The following CTNNA3 variants were observed in gnomAD, a reference collection of about 807,000 sequenced individuals.
The protein encoded by CTNNA3 is catenin alpha 3.
Under a neutral mutation model 95.7 loss-of-function variants are expected in CTNNA3, and 76 were observed. That is an observed-to-expected ratio of 0.79 (90% CI 0.66 to 0.96). CTNNA3 has a LOEUF of 0.96. Among genes scored for constraint, CTNNA3 ranks in the 40% least tolerant of loss-of-function variants. CTNNA3 has a pLI of 0.00. For synonymous variants in CTNNA3, 431 were observed against 374.4 expected (o/e 1.15, Z -1.74); for missense variants, 1,191 against 1,089.8 (o/e 1.09, Z -1.31).
At chr10:67,580,813 T>C (rs1419314149) in intron 3 of CTNNA3, among the ~76,000 whole-genome samples, 52 of 152,236 alleles carry the variant, frequency 3.4e-4, no homozygotes, top group African/African-American at 1.2e-3. Flanking sequence ...TTATTCTCTT[T>C]GAAGCAATTG....
intron 9 of CTNNA3, among the ~76,000 whole-genome samples, chr10:66,669,504 T>G (rs1363641498): frequency 6.6e-6 from 1 of 151,010 alleles, no homozygotes; most frequent in East Asian, 1.9e-4. Flanking sequence ...ATCACACCAC[T>G]GTACTCCAGC....
intron 17 of CTNNA3, among the ~76,000 whole-genome samples, chr10:65,942,421 C>T (rs1475697841): frequency 6.6e-6 from 1 of 152,010 alleles, no homozygotes; most frequent in Admixed American, 6.6e-5. Context: ...CCCAACTACT[C>T]GGGAGGCTGA....
intron 7 of CTNNA3, among the ~76,000 whole-genome samples, chr10:67,010,038 A>G (rs1852224411): frequency 6.6e-6 from 1 of 152,102 alleles, no homozygotes; most frequent in Non-Finnish European, 1.5e-5. Flanking sequence ...CCATTACTAT[A>G]TATCTCTTCC....
At chr10:67,051,384 C>T (rs144640197) in intron 7 of CTNNA3, among the ~76,000 whole-genome samples, 236 of 152,294 alleles carry the variant, frequency 1.5e-3, no homozygotes, top group Non-Finnish European at 2.1e-3. Flanking sequence ...GATCTATTTT[C>T]CCTTGGACAT....
intron 5 of CTNNA3, among the ~76,000 whole-genome samples, chr10:67,455,532 G>C (rs890721736): frequency 6.6e-6 from 1 of 152,044 alleles, no homozygotes; most frequent in African/African-American, 2.4e-5. Context: ...GGAAAAACCT[G>C]GCAAACACTA....
intron 13 of CTNNA3, among the ~76,000 whole-genome samples, chr10:66,175,068 T>C (rs1252825728): frequency 2.6e-5 from 4 of 152,058 alleles, no homozygotes; most frequent in South Asian, 4.1e-4. Context: ...GAGCTAATCA[T>C]ATACCAATTT....
rs1487254924 is a variant in CTNNA3, at chr10:66,520,779, A to C, written c.1375-6T>G. ...GCAAGTGCAGCATTAATAATCTATAAAGATAAGGATTGAAAAAATTACCTA... is the reference window on the plus strand; with the variant it reads ...GCAAGTGCAGCATTAATAATCTATACAGATAAGGATTGAAAAAATTACCTA... On this transcript the variant is annotated splice_polypyrimidine_tract_variant and splice_region_variant and intron_variant, in intron 10 of 17. Transcript: ENST00000433211. 6.2e-7 allele frequency: 1 copy of C among 1,610,916 alleles called. No individual in the cohort carries two copies. The highest frequency in any genetic ancestry group is 8.5e-7 in the Non-Finnish European group (1 of 1,178,532).
intron 7 of CTNNA3, among the ~76,000 whole-genome samples, chr10:66,825,293 T>TG (rs1003059619): frequency 6.7e-6 from 1 of 148,888 alleles, no homozygotes; most frequent in Non-Finnish European, 1.5e-5. Flanking sequence ...ATTTTTTTTT[T>TG]GAGATGGAGT....
intron 10 of CTNNA3, among the ~76,000 whole-genome samples, chr10:66,534,550 T>C (rs1841586853): frequency 6.7e-6 from 1 of 149,512 alleles, no homozygotes; most frequent in Admixed American, 6.7e-5. Flanking sequence ...TACATTTATG[T>C]TTATATATAT....
intron 1 of CTNNA3, among the ~76,000 whole-genome samples, chr10:67,739,794 T>C (rs1366206236): frequency 2.0e-5 from 3 of 152,090 alleles, no homozygotes; most frequent in Non-Finnish European, 4.4e-5. Context: ...CCTCAAAGAA[T>C]TGGAAAAAAC....
intron 1 of CTNNA3, among the ~76,000 whole-genome samples, chr10:67,726,549 A>G (rs1477692806): frequency 1.5e-5 from 1 of 68,944 alleles, no homozygotes; most frequent in Non-Finnish European, 2.4e-5. Flanking sequence ...TATATTACAT[A>G]TTATATAATA....
At chr10:67,352,789 A>G (rs755164786) in intron 5 of CTNNA3, among the ~76,000 whole-genome samples, 15 of 151,980 alleles carry the variant, frequency 9.9e-5, no homozygotes, top group Non-Finnish European at 2.1e-4. Flanking sequence ...CCCTGAAACT[A>G]CTAGCCCTAA....
At chr10:67,760,056 T>C (rs1832392315) in intron 1 of CTNNA3, among the ~76,000 whole-genome samples, 1 of 152,176 alleles carries the variant, frequency 6.6e-6, no homozygotes, top group South Asian at 2.1e-4. Flanking sequence ...TATGCAGCAA[T>C]AGAAAACGAA....
chr10:67,560,385 C>G (rs1841461153), intron 3 of CTNNA3, among the ~76,000 whole-genome samples: 1 of 152,092 alleles, frequency 6.6e-6, no homozygotes, highest in East Asian at 1.9e-4. Context: ...TCCAGCCAAA[C>G]TAAGCTTCAT....
At chr10:67,372,270 G>A (rs1843498174) in intron 5 of CTNNA3, among the ~76,000 whole-genome samples, 2 of 152,068 alleles carry the variant, frequency 1.3e-5, no homozygotes, top group South Asian at 4.1e-4. Flanking sequence ...TGTTGCCATT[G>A]CTTTTGGTGT....
At chr10:67,643,616 T>A (rs1839610722) in intron 2 of CTNNA3, among the ~76,000 whole-genome samples, 1 of 151,956 alleles carries the variant, frequency 6.6e-6, no homozygotes, top group Non-Finnish European at 1.5e-5. Flanking sequence ...ACACATGCCA[T>A]GGTGGTTTGC....
chr10:67,281,334 A>G (rs954391006), intron 5 of CTNNA3, among the ~76,000 whole-genome samples: 2 of 152,194 alleles, frequency 1.3e-5, no homozygotes, highest in African/African-American at 4.8e-5. Flanking sequence ...AATCCACTAC[A>G]TTTCATCACT....
At chr10:67,580,616 G>C (rs1355288844) in intron 3 of CTNNA3, among the ~76,000 whole-genome samples, 2 of 150,352 alleles carry the variant, frequency 1.3e-5, no homozygotes, top group South Asian at 2.1e-4. Flanking sequence ...TAGCTTGATG[G>C]GGATGGCATT....
At position 65,963,174 on chromosome 10, in the gene CTNNA3, TG is replaced by T. The variant is rs570565312; in HGVS notation, c.2400+3437del. 6.9e-3 allele frequency among the ~76,000 whole-genome samples: 1,044 copies of T among 152,330 alleles called. 18 individuals carry two copies. Among genetic ancestry groups the T allele is most frequent in the African/African-American group, 0.023 (949 of 41,584 alleles). On this transcript the variant is annotated intron_variant, in intron 17 of 17. Transcript: ENST00000433211. The stretch of plus-strand genomic sequence containing the variant: ...TAAGAAATTGTTCATTACTCTCAAT[TG>T]CCTACAGGGTAAAATTAAATTATAA...
Sources: allele counts gnomAD v4.1 joint callset (sites outside exome capture counted in the v4.1 genomes callset), GRCh38; gene constraint gnomAD v4.1.1; transcripts MANE v1.5; gene names NCBI Gene and HGNC (gene_info 2026-07-23, HGNC 2026-07-21).